PLCB4: variants seen among roughly 807,000 people sequenced by gnomAD.
The protein encoded by PLCB4 is phospholipase C beta 4.
Under a neutral mutation model 178.8 loss-of-function variants are expected in PLCB4, and 77 were observed. The observed-to-expected ratio is 0.43, with a 90% CI of 0.36 to 0.52. The LOEUF is 0.52. Ranked by LOEUF, PLCB4 falls within the 20% of genes least tolerant of loss-of-function variation. The pLI, the probability that PLCB4 is intolerant of heterozygous loss-of-function variation, is 0.00. For synonymous variants in PLCB4, 496 were observed against 490.8 expected (o/e 1.01, Z -0.14); for missense variants, 1,024 against 1,453.4 (o/e 0.70, Z 4.80).
At chr20:9,408,552 T>G in intron 22 of PLCB4, 81 bp from the exon 23 acceptor site, 1 of 675,528 alleles carries the variant, frequency 1.5e-6, no homozygotes. Context: ...ATTCAGGGTG[T>G]AATTGCATTT....
chr20:9,194,815 G>A (rs2093450499), intron 2 of PLCB4, among the ~76,000 whole-genome samples: 1 of 151,566 alleles, frequency 6.6e-6, no homozygotes, highest in African/African-American at 2.4e-5. Flanking sequence ...GATTATAAAA[G>A]GAAAATACAT....
chr20:9,218,537 C>T (rs927648963), intron 3 of PLCB4, among the ~76,000 whole-genome samples: 3 of 152,134 alleles, frequency 2.0e-5, no homozygotes, highest in Non-Finnish European at 4.4e-5. Context: ...CTAATAGGTC[C>T]TCCTGGAGGA....
chr20:9,435,455 A>G, intron 28 of PLCB4, 105 bp from the exon 29 acceptor site: 1 of 657,534 alleles, frequency 1.5e-6, no homozygotes. Context: ...TTATTAACAG[A>G]AAGCACAACA....
At chr20:9,421,482 C>A (rs775424654) in intron 27 of PLCB4, 21 bp downstream of exon 27, 2 of 1,599,708 alleles carry the variant, frequency 1.3e-6, no homozygotes, top group South Asian at 1.1e-5. Flanking sequence ...TTCAGCACGT[C>A]AAACTTACTC....
chr20:9,114,639 A>G (rs1395518711), intron 2 of PLCB4, among the ~76,000 whole-genome samples: 2 of 152,180 alleles, frequency 1.3e-5, no homozygotes, highest in Non-Finnish European at 2.9e-5. Flanking sequence ...GGGGAGGAAG[A>G]CTATCAAGTT....
rs1038912536 is a variant in PLCB4, at chr20:9,439,079, G to A, written c.2764+1927G>A. Reference sequence around the variant, plus strand: ...TAGACAGGAAGAATTCTTGACAGACGGTGTATCAGTCAGCTTATGCTGCAT... The same window carrying A: ...TAGACAGGAAGAATTCTTGACAGACAGTGTATCAGTCAGCTTATGCTGCAT... On this transcript the variant is annotated intron_variant, in intron 30 of 39. Coordinates refer to ENST00000378473, the MANE Select transcript of PLCB4 (RefSeq NM_001377142.1). Among the ~76,000 whole-genome samples the A allele has an allele frequency of 2.0e-5, 3 of 152,318 alleles. No homozygotes were observed. In the East Asian group the frequency reaches 5.8e-4, roughly 29 times the overall value.
At chr20:9,458,216 G>A (rs1046886936) in intron 34 of PLCB4, among the ~76,000 whole-genome samples, 3 of 152,214 alleles carry the variant, frequency 2.0e-5, no homozygotes, top group African/African-American at 7.2e-5. Flanking sequence ...TGGCCCTGCT[G>A]CATGCATGGA....
At chr20:9,248,702 T>G (rs1292609192) in intron 3 of PLCB4, among the ~76,000 whole-genome samples, 1 of 152,228 alleles carries the variant, frequency 6.6e-6, no homozygotes, top group African/African-American at 2.4e-5. Flanking sequence ...TTATTTCTAA[T>G]TTATTGAGTG....
intron 2 of PLCB4, among the ~76,000 whole-genome samples, chr20:9,109,493 A>T (rs914917799): frequency 1.3e-5 from 2 of 151,850 alleles, no homozygotes; most frequent in Non-Finnish European, 2.9e-5. Flanking sequence ...GTAATGGCCT[A>T]AAATGATAGC....
intron 3 of PLCB4, among the ~76,000 whole-genome samples, chr20:9,243,974 T>C (rs941885269): frequency 3.9e-5 from 6 of 152,220 alleles, no homozygotes; most frequent in Admixed American, 1.3e-4. Context: ...CTAGAGTCTC[T>C]TTGTATATCC....
At chr20:9,071,825 G>T (rs2146461327) in intron 1 of PLCB4, among the ~76,000 whole-genome samples, 1 of 152,244 alleles carries the variant, frequency 6.6e-6, no homozygotes, top group Admixed American at 6.5e-5. Flanking sequence ...TTATTTAGCA[G>T]GCTGTGACTA....
At chr20:9,124,510 C>T (rs1415512679) in intron 2 of PLCB4, among the ~76,000 whole-genome samples, 1 of 151,992 alleles carries the variant, frequency 6.6e-6, no homozygotes, top group Non-Finnish European at 1.5e-5. Flanking sequence ...AAAGTAAAAT[C>T]TTATATTTTG....
chr20:9,195,212 T>C (rs2093456749), intron 2 of PLCB4, among the ~76,000 whole-genome samples: 1 of 152,234 alleles, frequency 6.6e-6, no homozygotes, highest in Non-Finnish European at 1.5e-5. Context: ...CTGGGGCTTA[T>C]CACACTTTAA....
At position 9,441,273 on chromosome 20, in the gene PLCB4, T is replaced by C. The variant is rs1342205257; in HGVS notation, c.2765-2708T>C. ...TTTTGTATGATAGTTTTTAGGAGAA[T>C]GGCATGGAAGTACAAGAGAGAAGTC... On this transcript the variant is annotated intron_variant, in intron 30 of 39. Transcript: ENST00000378473. Among the ~76,000 whole-genome samples the C allele has an allele frequency of 2.6e-5, 4 of 152,226 alleles. No homozygotes were observed. The South Asian group carries it at 8.3e-4, about 32-fold the overall frequency.
intron 3 of PLCB4, among the ~76,000 whole-genome samples, chr20:9,247,642 T>C (rs2094138807): frequency 6.6e-6 from 1 of 152,184 alleles, no homozygotes; most frequent in African/African-American, 2.4e-5. Flanking sequence ...TGAATAATTC[T>C]CTTTGATTTT....
intron 8 of PLCB4, among the ~76,000 whole-genome samples, chr20:9,364,340 C>G (rs2035597820): frequency 6.6e-6 from 1 of 152,198 alleles, no homozygotes; most frequent in African/African-American, 2.4e-5. Context: ...CTGCCCAGAT[C>G]CCTTTATGAA....
intron 28 of PLCB4, among the ~76,000 whole-genome samples, chr20:9,428,763 G>A (rs2041200433): frequency 6.6e-6 from 1 of 151,894 alleles, no homozygotes; most frequent in African/African-American, 2.4e-5. Flanking sequence ...AGCACATAGG[G>A]GTGGGGAGGG....
At chr20:9,136,270 G>T (rs1386674108) in intron 2 of PLCB4, among the ~76,000 whole-genome samples, 2 of 152,098 alleles carry the variant, frequency 1.3e-5, no homozygotes, top group African/African-American at 4.8e-5. Context: ...TAGCTCACTT[G>T]GGAGGTGGTC....
At chr20:9,115,112 T>G (rs1346714253) in intron 2 of PLCB4, among the ~76,000 whole-genome samples, 1 of 152,222 alleles carries the variant, frequency 6.6e-6, no homozygotes, top group African/African-American at 2.4e-5. Flanking sequence ...TATATTCTTT[T>G]TCTCTAGTTA....
Sources: gnomAD v4.1 joint callset for allele counts (sites outside exome capture counted in the v4.1 genomes callset) on GRCh38, gnomAD v4.1.1 for gene constraint, MANE v1.5 for transcripts, NCBI Gene and HGNC (gene_info 2026-07-23, HGNC 2026-07-21) for gene names.